Variants in ASAP1 observed in about 807,000 individuals in gnomAD.
The protein encoded by ASAP1 is ArfGAP with SH3 domain, ankyrin repeat and PH domain 1, also known as arf-GAP with SH3 domain, ANK repeat and PH domain-containing protein 1.
In ASAP1, 43 loss-of-function variants were observed where a neutral mutation model predicts 145.2. The ratio of observed to expected loss-of-function variants is 0.30; its 90% CI spans 0.23 to 0.38. The LOEUF (loss-of-function observed/expected upper bound fraction) is 0.38, where lower values mean the gene tolerates loss of function less well. Among genes scored for constraint, ASAP1 ranks in the 10% least tolerant of loss-of-function variants. The pLI, the probability that ASAP1 is intolerant of heterozygous loss-of-function variation, is 1.00. For synonymous variants in ASAP1, 546 were observed against 515.5 expected (o/e 1.06, Z -0.80); for missense variants, 1,018 against 1,355.3 (o/e 0.75, Z 3.91).
intron 9 of ASAP1, among the ~76,000 whole-genome samples, chr8:130,177,685 A>T (rs1814059860): frequency 1.3e-5 from 2 of 152,312 alleles, no homozygotes; most frequent in South Asian, 4.1e-4. Context: ...TATATAAGGT[A>T]CAATTTACTT....
In ASAP1 at chr8:130,062,585, A is replaced by C. The variant is rs2097421890; in HGVS notation, c.2702-1516T>G. ...GAATCCCTGAGGTGGTGGGGCTAGA[A>C]AGGCCTTGGCTGTGAGTCACACTGA... is the stretch of plus-strand genomic sequence containing the variant. On this transcript the variant is annotated intron_variant, in intron 27 of 29. Coordinates refer to ENST00000518721, the MANE Select transcript of ASAP1 (RefSeq NM_018482.4). Among the ~76,000 whole-genome samples the C allele has an allele frequency of 2.6e-5, 4 of 152,192 alleles. No individual in the cohort carries two copies. In the South Asian group the frequency reaches 6.2e-4, roughly 24 times the overall value.
At position 130,188,198 on chromosome 8, in the gene ASAP1, G is replaced by T. The variant is rs1187091996; in HGVS notation, c.406-15C>A. ...AAACCCTGGAGCTGAAAAAGCAAAG[G>T]GAAGATGGGAGATGGTTAAAAAATA... is the stretch of plus-strand genomic sequence containing the variant. On this transcript the variant is annotated splice_polypyrimidine_tract_variant and intron_variant, in intron 5 of 29. Transcript: ENST00000518721. The T allele has an allele frequency of 6.2e-7, 1 of 1,601,124 alleles. No homozygotes were observed.
chr8:130,115,641 T>A lies in ASAP1; in HGVS notation c.2159A>T (p.Asp720Val). Residue 720 changes from aspartate to valine, a missense_variant, in exon 23 of 30, where the codon GAT becomes GTT. Coordinates refer to ENST00000518721, the MANE Select transcript of ASAP1 (RefSeq NM_018482.4). ...ATTTACACTCACTTTGTCATCCAGATCATCATCGCTCTCATCTATCTCCTC... is the reference window on the plus strand; with the variant it reads ...ATTTACACTCACTTTGTCATCCAGAACATCATCGCTCTCATCTATCTCCTC... ...RQEEIDESDD[D>V]LDDKPSPIKK... The A allele has an allele frequency of 6.2e-7, 1 of 1,613,394 alleles. No homozygotes were observed. Among genetic ancestry groups the A allele is most frequent in the Non-Finnish European group, 8.5e-7 (1 of 1,179,420 alleles).
intron 1 of ASAP1, among the ~76,000 whole-genome samples, chr8:130,427,393 C>T (rs1395278210): frequency 2.0e-5 from 3 of 152,182 alleles, no homozygotes; most frequent in Non-Finnish European, 4.4e-5. Flanking sequence ...TCTCTTCCCA[C>T]CTCTGATTAA....
At chr8:130,221,061 C>T (rs1356227534) in intron 4 of ASAP1, among the ~76,000 whole-genome samples, 6 of 152,014 alleles carry the variant, frequency 3.9e-5, no homozygotes, top group Non-Finnish European at 8.8e-5. Flanking sequence ...ACCATATCAC[C>T]GGTCTCTACC....
intron 3 of ASAP1, among the ~76,000 whole-genome samples, chr8:130,348,647 A>C (rs1825827881): frequency 6.6e-6 from 1 of 152,216 alleles, no homozygotes; most frequent in Admixed American, 6.5e-5. Flanking sequence ...CGTTTTACTG[A>C]CACTGAAAAC....
At chr8:130,427,332 T>C (rs780517538) in intron 1 of ASAP1, among the ~76,000 whole-genome samples, 17 of 152,168 alleles carry the variant, frequency 1.1e-4, no homozygotes, top group Admixed American at 5.9e-4. Context: ...CCTCTTGATA[T>C]TGACAGTGTG....
chr8:130,383,056 C>T (rs1827853720), intron 2 of ASAP1, among the ~76,000 whole-genome samples: 1 of 152,156 alleles, frequency 6.6e-6, no homozygotes, highest in Admixed American at 6.5e-5. Flanking sequence ...GTTGCTAATA[C>T]ACACTGACGG....
intron 5 of ASAP1, among the ~76,000 whole-genome samples, chr8:130,193,688 T>G (rs1291180694): frequency 6.6e-6 from 1 of 151,868 alleles, no homozygotes; most frequent in Non-Finnish European, 1.5e-5. Context: ...AGCAGCAAAT[T>G]AAAAAAAATA....
chr8:130,194,942 T>TA (rs1396326951), intron 5 of ASAP1, among the ~76,000 whole-genome samples: 1 of 152,182 alleles, frequency 6.6e-6, no homozygotes, highest in East Asian at 1.9e-4. Context: ...CCAAGGCACT[T>TA]ACAATACAGC....
At chr8:130,395,117 C>T (rs571629818) in intron 2 of ASAP1, among the ~76,000 whole-genome samples, 2 of 152,202 alleles carry the variant, frequency 1.3e-5, no homozygotes, top group African/African-American at 2.4e-5. Flanking sequence ...GAAAAACATC[C>T]GTCTCACTTC....
intron 3 of ASAP1, among the ~76,000 whole-genome samples, chr8:130,263,893 G>C (rs1204458916): frequency 2.0e-5 from 3 of 152,234 alleles, no homozygotes; most frequent in African/African-American, 7.2e-5. Flanking sequence ...GTTCAGAGCA[G>C]TTCAGTGTGT....
At chr8:130,199,139 C>A (rs1464484795) in intron 5 of ASAP1, among the ~76,000 whole-genome samples, 1 of 152,242 alleles carries the variant, frequency 6.6e-6, no homozygotes, top group Non-Finnish European at 1.5e-5. Context: ...AGAATAGGCT[C>A]ACTTTCACAG....
At chr8:130,392,351 T>A (rs1425377401) in intron 2 of ASAP1, among the ~76,000 whole-genome samples, 3 of 152,212 alleles carry the variant, frequency 2.0e-5, no homozygotes, top group Non-Finnish European at 2.9e-5. Flanking sequence ...GAATAAGACA[T>A]CTAACAGGGA....
intron 1 of ASAP1, among the ~76,000 whole-genome samples, chr8:130,419,405 G>A (rs939960651): frequency 3.3e-5 from 5 of 152,146 alleles, no homozygotes; most frequent in African/African-American, 1.2e-4. Context: ...TTTCTCTTTT[G>A]TCCAGAAGTT....
At chr8:130,217,537 T>TACACACACACACACACAC (rs71302402) in intron 4 of ASAP1, among the ~76,000 whole-genome samples, 19,934 of 148,742 alleles carry the variant, frequency 0.13, 1,675 homozygotes, top group East Asian at 0.31. Context: ...TGTATATATG[T>TACACACACACACACACAC]ACACACACAC....
chr8:130,384,519 C>A (rs1827922027), intron 2 of ASAP1, among the ~76,000 whole-genome samples: 1 of 152,148 alleles, frequency 6.6e-6, no homozygotes, highest in Non-Finnish European at 1.5e-5. Flanking sequence ...CACTTTGTCT[C>A]CCAAGCTGGA....
At chr8:130,313,716 C>A (rs1823496378) in intron 3 of ASAP1, among the ~76,000 whole-genome samples, 1 of 152,140 alleles carries the variant, frequency 6.6e-6, no homozygotes, top group Non-Finnish European at 1.5e-5. Flanking sequence ...CCAGGATATT[C>A]AAAAATCTTA....
chr8:130,263,261 C>T (rs576142518), intron 3 of ASAP1, among the ~76,000 whole-genome samples: 1 of 152,256 alleles, frequency 6.6e-6, no homozygotes, highest in Admixed American at 6.5e-5. Context: ...CCAAAGGCTT[C>T]CCAGCAACCC....
Sources: gnomAD v4.1 joint callset for allele counts (sites outside exome capture counted in the v4.1 genomes callset) on GRCh38, gnomAD v4.1.1 for gene constraint, MANE v1.5 for transcripts, NCBI Gene and HGNC (gene_info 2026-07-23, HGNC 2026-07-21) for gene names.